The following RBM33 variants were observed in gnomAD, a reference collection of about 807,000 sequenced individuals.
RBM33 encodes the protein RNA binding motif protein 33.
A neutral mutation model predicts 132.6 loss-of-function variants in RBM33; 28 were observed. That is an observed-to-expected ratio of 0.21 (90% CI 0.16 to 0.29). The LOEUF is 0.29. RBM33 is among the 10% of genes least tolerant of loss of function. The pLI is 1.00. For synonymous variants in RBM33, 634 were observed against 593.0 expected, an observed-to-expected ratio of 1.07 and a Z score of -1.01; for missense variants, 1,291 against 1,518.5, an observed-to-expected ratio of 0.85 and a Z score of 2.49.
chr7:155,678,052 T>C (rs952862564), intron 3 of RBM33, among the ~76,000 whole-genome samples: 1 of 152,194 alleles, frequency 6.6e-6, no homozygotes, highest in Admixed American at 6.5e-5. Context: ...CTCTCTCTCC[T>C]TATAGGTAGG....
chr7:155,753,396 G>A (rs1200789941), intron 14 of RBM33, among the ~76,000 whole-genome samples: 1 of 152,236 alleles, frequency 6.6e-6, no homozygotes, highest in African/African-American at 2.4e-5. Flanking sequence ...CAAAGGCAGA[G>A]CCTCCACCTT....
intron 5 of RBM33, among the ~76,000 whole-genome samples, chr7:155,695,875 T>C (rs1213889766): frequency 6.6e-6 from 1 of 152,218 alleles, no homozygotes; most frequent in Non-Finnish European, 1.5e-5. Context: ...CTTGTTTTCT[T>C]CTGGACACTT....
At chr7:155,710,598 G>T in intron 7 of RBM33, among the ~76,000 whole-genome samples, 1 of 152,164 alleles carries the variant, frequency 6.6e-6, no homozygotes, top group East Asian at 1.9e-4. Flanking sequence ...AGGTGGGTCT[G>T]TGCTGCTTCT....
intron 5 of RBM33, among the ~76,000 whole-genome samples, chr7:155,698,965 A>G (rs1314328423): frequency 2.6e-5 from 4 of 152,204 alleles, no homozygotes; most frequent in South Asian, 2.1e-4. Context: ...ACATTTTCCT[A>G]TAGGTCTATT....
intron 15 of RBM33, 86 bp from the exon 16 acceptor site, chr7:155,766,380 TA>T: frequency 7.1e-7 from 1 of 1,410,590 alleles, no homozygotes; most frequent in Non-Finnish European, 9.6e-7. Context: ...TAATGGATTC[TA>T]AGTTATTTGT....
In RBM33 at chr7:155,738,156, C is replaced by G. The variant is rs1456491140; in HGVS notation, c.1490C>G (p.Pro497Arg). 1.2e-6 allele frequency: 2 copies of G among 1,613,988 alleles called. No individual in the cohort carries two copies. The highest frequency in any genetic ancestry group is 1.7e-6 in the Non-Finnish European group (2 of 1,179,886). Residue 497 changes from proline (P) to arginine (R), a missense_variant, in exon 11 of 18, where the codon CCT becomes CGT. Physicochemically the swap from Pro to Arg is moderately radical, Grantham distance 103. Around this residue, in one of 7 missense-constraint regions of RBM33, gnomAD observed 841 missense variants for 912.0 expected, o/e 0.92. Coordinates refer to ENST00000401878, the MANE Select transcript of RBM33 (RefSeq NM_053043.3). ...PPPTLLNSSH[P>R]VPTQSPLPFT... ...CCTACCCTTCTTAACAGTAGCCATC[C>G]TGTTCCTACTCAGAGTCCTCTACCA...
chr7:155,707,381 G>T (rs1272810212), intron 7 of RBM33: 2 of 513,928 alleles, frequency 3.9e-6, no homozygotes. Context: ...CTCTAGAGAG[G>T]TATTTCTGAG....
chr7:155,681,633 T>C (rs1799341072), intron 5 of RBM33, among the ~76,000 whole-genome samples: 1 of 152,130 alleles, frequency 6.6e-6, no homozygotes, highest in Non-Finnish European at 1.5e-5. Context: ...TCAGTAGCTG[T>C]AGTAGAATCT....
intron 1 of RBM33, among the ~76,000 whole-genome samples, chr7:155,662,196 G>A (rs540919654): frequency 1.3e-5 from 2 of 152,066 alleles, no homozygotes; most frequent in Non-Finnish European, 2.9e-5. Flanking sequence ...CACACCTTCC[G>A]TAATGCTCTG....
chr7:155,683,869 T>C (rs1193130182), intron 5 of RBM33, among the ~76,000 whole-genome samples: 5 of 152,206 alleles, frequency 3.3e-5, no homozygotes, highest in Non-Finnish European at 7.3e-5. Context: ...TTTTATGTCA[T>C]GGGTAGCAGA....
chr7:155,723,943 C>T (rs570592852), intron 9 of RBM33, among the ~76,000 whole-genome samples: 1 of 152,298 alleles, frequency 6.6e-6, no homozygotes, highest in East Asian at 1.9e-4. Flanking sequence ...GTTACATTGA[C>T]TGGGACACCT....
At chr7:155,679,187 AAAAAC>A (rs1416829569) in intron 4 of RBM33, among the ~76,000 whole-genome samples, 1 of 152,168 alleles carries the variant, frequency 6.6e-6, no homozygotes, top group South Asian at 2.1e-4. Flanking sequence ...AAAAAAAACA[AAAAAC>A]AAAAAATCAG....
At chr7:155,701,235 T>G in intron 6 of RBM33, 1 of 487,266 alleles carries the variant, frequency 2.1e-6, no homozygotes, top group East Asian at 3.3e-5. Context: ...CTGTGGTTCC[T>G]GGCTGGTCTT....
intron 8 of RBM33, among the ~76,000 whole-genome samples, chr7:155,717,446 CCTCTTTTA>C (rs1800496012): frequency 6.6e-6 from 1 of 150,814 alleles, no homozygotes; most frequent in Non-Finnish European, 1.5e-5. Flanking sequence ...ACCTCAATTA[CCTCTTTTA>C]AAGACCTAAT....
intron 6 of RBM33, among the ~76,000 whole-genome samples, chr7:155,704,782 A>G (rs1585462511): frequency 2.0e-5 from 3 of 152,242 alleles, no homozygotes; most frequent in African/African-American, 4.8e-5. Context: ...TTGTACACCC[A>G]CAGAATATTC....
intron 1 of RBM33, among the ~76,000 whole-genome samples, chr7:155,660,975 C>G (rs1304147405): frequency 6.6e-6 from 1 of 151,860 alleles, no homozygotes; most frequent in African/African-American, 2.4e-5. Context: ...TATCTGTTTT[C>G]AAGTTTACTA....
At chr7:155,758,036 G>T (rs1801908989) in intron 14 of RBM33, among the ~76,000 whole-genome samples, 1 of 152,098 alleles carries the variant, frequency 6.6e-6, no homozygotes, top group East Asian at 1.9e-4. Flanking sequence ...CCAGCACTGG[G>T]GATACATTTC....
intron 15 of RBM33, among the ~76,000 whole-genome samples, chr7:155,765,193 TAAG>T (rs995235309): frequency 6.6e-6 from 1 of 152,232 alleles, no homozygotes; most frequent in Non-Finnish European, 1.5e-5. Flanking sequence ...GAGCATCTTA[TAAG>T]AAGATGCATT....
Position 155,673,755 on chromosome 7 carries a change from CGCGCGCAT to C in RBM33, c.171+848_171+855del, listed in dbSNP as rs1278517141. On this transcript the variant is annotated intron_variant, in intron 3 of 17. Transcript: ENST00000401878. The stretch of plus-strand genomic sequence containing the variant: ...ATATATACATACACACGTGTATATA[CGCGCGCAT>C]GCGCGCACACACACACACACACACA... Among the ~76,000 whole-genome samples the C allele has an allele frequency of 1.1e-4, 6 of 56,364 alleles. 1 individual carries two copies. The highest frequency in any genetic ancestry group is 4.8e-4 in the African/African-American group (6 of 12,578). The allele number at this position is 56,364 out of a possible 152,430, so 37.0% of individuals were successfully genotyped here.
Sources: gnomAD v4.1 joint callset for allele counts (sites outside exome capture counted in the v4.1 genomes callset) on GRCh38, gnomAD v4.1.1 for gene constraint, gnomAD v4.1.1 regional missense constraint, MANE v1.5 for transcripts, NCBI Gene and HGNC (gene_info 2026-07-23, HGNC 2026-07-21) for gene names.